JMJD1C: variants seen among roughly 807,000 people sequenced by gnomAD.
JMJD1C encodes jumonji domain containing 1C.
JMJD1C carries 31 observed loss-of-function variants against 245.3 expected under a neutral mutation model. The observed-to-expected ratio is 0.13, with a 90% CI of 0.09 to 0.17. The LOEUF (loss-of-function observed/expected upper bound fraction) is 0.17, where lower values mean the gene tolerates loss of function less well. JMJD1C is among the 10% of genes least tolerant of loss of function. JMJD1C has a pLI of 1.00. For synonymous variants in JMJD1C, 1,057 were observed against 1,017.4 expected (o/e 1.04, Z -0.74); for missense variants, 2,691 against 3,000.2 (o/e 0.90, Z 2.41).
In JMJD1C at chr10:63,435,313, T is replaced by C. The variant is rs1248485386; in HGVS notation, c.168+30182A>G. 2.0e-5 allele frequency among the ~76,000 whole-genome samples: 3 copies of C among 152,120 alleles called. No individual in the cohort carries two copies. The East Asian group carries it at 5.8e-4, about 29-fold the overall frequency. On this transcript the variant is annotated intron_variant, in intron 1 of 25. Transcript: ENST00000399262. ...TTGAACAATTTCTAGCTTTGGCTTATTTTTTCCAGAAAAGAAACAGTTGTA... is the reference window on the plus strand; with the variant it reads ...TTGAACAATTTCTAGCTTTGGCTTACTTTTTCCAGAAAAGAAACAGTTGTA...
chr10:63,323,522 A>T (rs1013514673), intron 2 of JMJD1C, among the ~76,000 whole-genome samples: 2 of 152,188 alleles, frequency 1.3e-5, no homozygotes, highest in Non-Finnish European at 2.9e-5. Context: ...TGTTTCAAAA[A>T]AAGAAAGGGG....
intron 3 of JMJD1C, among the ~76,000 whole-genome samples, chr10:63,233,733 A>G (rs1850297920): frequency 7.7e-6 from 1 of 130,528 alleles, no homozygotes; most frequent in African/African-American, 3.1e-5. Flanking sequence ...TATTATATAT[A>G]TATATATATC....
chr10:63,260,270 C>A (rs545408581), intron 3 of JMJD1C, among the ~76,000 whole-genome samples: 2 of 152,144 alleles, frequency 1.3e-5, no homozygotes, highest in Admixed American at 6.5e-5. Context: ...CCTAAAAATA[C>A]TGGACTAACA....
chr10:63,318,551 C>G (rs1017022140), intron 2 of JMJD1C, among the ~76,000 whole-genome samples: 1 of 151,936 alleles, frequency 6.6e-6, no homozygotes, highest in Non-Finnish European at 1.5e-5. Context: ...CTGTTGTTTG[C>G]TCCTTTAAAT....
intron 1 of JMJD1C, among the ~76,000 whole-genome samples, chr10:63,424,287 G>A (rs1347028436): frequency 6.7e-6 from 1 of 148,156 alleles, no homozygotes. Context: ...CGCTGGTCTT[G>A]AACTCCTGAT....
At chr10:63,349,735 A>G (rs1446810463) in intron 2 of JMJD1C, among the ~76,000 whole-genome samples, 3 of 152,128 alleles carry the variant, frequency 2.0e-5, no homozygotes, top group South Asian at 2.1e-4. Flanking sequence ...AAGTATGAAT[A>G]AAAGAATGGA....
chr10:63,478,336 T>C (rs933314362), intron 1 of JMJD1C, among the ~76,000 whole-genome samples: 2 of 152,206 alleles, frequency 1.3e-5, no homozygotes, highest in Non-Finnish European at 2.9e-5. Flanking sequence ...TACACCCAAA[T>C]GTACATAGCC....
chr10:63,388,662 A>G (rs1205434519), intron 1 of JMJD1C, among the ~76,000 whole-genome samples: 1 of 152,180 alleles, frequency 6.6e-6, no homozygotes, highest in African/African-American at 2.4e-5. Context: ...TGAATACACA[A>G]AACAACCAGA....
intron 2 of JMJD1C, among the ~76,000 whole-genome samples, chr10:63,275,129 G>C (rs1015758460): frequency 6.6e-6 from 1 of 152,118 alleles, no homozygotes; most frequent in African/African-American, 2.4e-5. Flanking sequence ...ATGGACACTC[G>C]AGTCTAAGTG....
chr10:63,204,666 C>G (rs1184045378), intron 10 of JMJD1C: 3 of 985,234 alleles, frequency 3.0e-6, no homozygotes, highest in Non-Finnish European at 3.6e-6. Flanking sequence ...TGTATATAAT[C>G]CAATATTCAA....
intron 2 of JMJD1C, among the ~76,000 whole-genome samples, chr10:63,351,095 T>TC (rs1944321399): frequency 6.6e-6 from 1 of 151,076 alleles, no homozygotes; most frequent in Non-Finnish European, 1.5e-5. Context: ...TTTTTTTTTT[T>TC]TGAGATGGAG....
intron 10 of JMJD1C, chr10:63,204,279 A>G (rs1846350485): frequency 1.0e-6 from 1 of 985,410 alleles, no homozygotes; most frequent in South Asian, 4.7e-5. Context: ...CTAAAGCTAC[A>G]TGCTAGTTAC....
chr10:63,438,520 G>A (rs1951187232), intron 1 of JMJD1C, among the ~76,000 whole-genome samples: 1 of 152,018 alleles, frequency 6.6e-6, no homozygotes, highest in African/African-American at 2.4e-5. Context: ...AAACCACCTC[G>A]TTCATGCCTT....
rs199608318 is a variant in JMJD1C at position 63,184,647 on chromosome 10, C to G, written c.6922G>C (p.Val2308Leu). 3.1e-6 allele frequency: 5 copies of G among 1,613,806 alleles called. No homozygotes were observed. The highest frequency in any genetic ancestry group is 4.5e-5 in the East Asian group (2 of 44,866). ...AACCTGGGTCCTAGATCAGGACGTA[C>G]AAAAAATCCTGGCAAATGAGAGGCC... Reference protein sequence around the residue: ...NLASHLPGFFVRPDLGPRLCS... With the variant: ...NLASHLPGFFLRPDLGPRLCS... The change falls in exon 21 of 26, where the codon GTA becomes CTA. Residue 2308 changes from valine (V) to leucine (L), a missense_variant. Coordinates refer to ENST00000399262, the MANE Select transcript of JMJD1C (RefSeq NM_032776.3).
At chr10:63,196,145 G>A (rs1430178639) in intron 13 of JMJD1C, among the ~76,000 whole-genome samples, 2 of 149,680 alleles carry the variant, frequency 1.3e-5, no homozygotes, top group Non-Finnish European at 3.0e-5. Flanking sequence ...TGTAATCCCA[G>A]CTACTCGGGA....
At chr10:63,261,583 G>GA (rs1267118665) in intron 3 of JMJD1C, among the ~76,000 whole-genome samples, 3 of 151,776 alleles carry the variant, frequency 2.0e-5, no homozygotes, top group Non-Finnish European at 2.9e-5. Context: ...AGAAGAAGAA[G>GA]AAAAAAAGCT....
intron 1 of JMJD1C, among the ~76,000 whole-genome samples, chr10:63,458,738 T>TA (rs1952586221): frequency 6.6e-6 from 1 of 151,916 alleles, no homozygotes. Context: ...TTTATTTTTT[T>TA]TTTGAGGAAC....
chr10:63,248,901 G>T (rs1022075718), intron 3 of JMJD1C, among the ~76,000 whole-genome samples: 1 of 152,188 alleles, frequency 6.6e-6, no homozygotes, highest in African/African-American at 2.4e-5. Context: ...GCCATAAAAA[G>T]AATGAAAACT....
At chr10:63,232,177 T>C (rs1285479604) in intron 3 of JMJD1C, among the ~76,000 whole-genome samples, 1 of 152,064 alleles carries the variant, frequency 6.6e-6, no homozygotes, top group Non-Finnish European at 1.5e-5. Context: ...CTGCTTCTTC[T>C]AAAGTTTTTT....
Sources: allele counts gnomAD v4.1 joint callset (sites outside exome capture counted in the v4.1 genomes callset), GRCh38; gene constraint gnomAD v4.1.1; transcripts MANE v1.5; gene names NCBI Gene and HGNC (gene_info 2026-07-23, HGNC 2026-07-21).